Variants in EPHA1 observed in about 807,000 individuals in gnomAD.
The protein encoded by EPHA1 is EPH receptor A1.
Under a neutral mutation model 110.1 loss-of-function variants are expected in EPHA1, and 92 were observed. That is an observed-to-expected ratio of 0.84 (90% confidence interval 0.71 to 0.99). EPHA1 has a LOEUF of 0.99. EPHA1 is among the 50% of genes least tolerant of loss of function. The pLI is 0.00. For missense variants in EPHA1, 1,204 were observed against 1,285.4 expected (o/e 0.94, Z 0.97); for synonymous variants, 500 against 516.1 (o/e 0.97, Z 0.42).
Position 143,391,322 on chromosome 7 carries a change from C to T in EPHA1, c.*135G>A. The T allele has an allele frequency of 9.4e-7, 1 of 1,062,590 alleles. No homozygotes were observed. The allele number at this position is 1,062,590 out of a possible 1,614,324, so 65.8% of individuals were successfully genotyped here. On this transcript the variant is annotated 3_prime_UTR_variant, in exon 18 of 18. Transcript: ENST00000275815. The stretch of plus-strand genomic sequence containing the variant: ...TTTCTGGGGTGCAGAGCAGGGTTCT[C>T]CTGAAAGTGGGCAGAAGCAGCACCG...
In EPHA1 at chr7:143,401,491, C is replaced by T. The variant is rs144146635; in HGVS notation, c.265G>A (p.Gly89Arg). ...HWLRSNWIYR[G>R]EEASRVHVEL... Reference sequence around the variant, plus strand: ...ACGTGGACGCGGGAAGCCTCCTCCCCGCGGTAGATCCAATTGGAGCGAAGC... The same window carrying T: ...ACGTGGACGCGGGAAGCCTCCTCCCTGCGGTAGATCCAATTGGAGCGAAGC... The change falls in exon 3 of 18, where the codon GGG becomes AGG. Residue 89 changes from glycine (G) to arginine (R), a missense_variant. By Grantham distance (125) the Gly-to-Arg change is moderately radical. Coordinates refer to ENST00000275815, the MANE Select transcript of EPHA1 (RefSeq NM_005232.5). The surrounding 1 kb of genome is among the most constrained non-coding windows in gnomAD (Gnocchi z 4.1). 196 of 1,614,028 alleles carry T rather than the reference C, an allele frequency of 1.2e-4. No homozygotes were observed. Among genetic ancestry groups the T allele is most frequent in the Non-Finnish European group, 1.5e-4 (177 of 1,180,060 alleles).
chr7:143,399,825 G>A lies in EPHA1; in HGVS notation c.661C>T (p.Pro221Ser), dbSNP rs753358941. ...LAQFPDTLPG[P>S]AGLVEVAGTC... ...CCCGCCACTTCCACCAACCCAGCGGGGCCAGGCAGAGTGTCTGGGAATTGG... is the reference window on the plus strand; with the variant it reads ...CCCGCCACTTCCACCAACCCAGCGGAGCCAGGCAGAGTGTCTGGGAATTGG... Residue 221 changes from proline (P) to serine (S), a missense_variant, in exon 4 of 18, where the codon CCC becomes TCC. Physicochemically the swap from Pro to Ser is moderately conservative, Grantham distance 74 (BLOSUM62 -1). Transcript: ENST00000275815. 6.2e-7 allele frequency: 1 copy of A among 1,610,260 alleles called. No homozygotes were observed.
chr7:143,404,891 C>T (rs4726618), intron 2 of EPHA1, among the ~76,000 whole-genome samples: 54,266 of 151,688 alleles, frequency 0.36, 9,890 homozygotes, highest in East Asian at 0.48. Flanking sequence ...GCAGAATAGA[C>T]TGAGGCCCTT....
At chr7:143,396,561 A>G (rs773731540) in intron 10 of EPHA1, 51 bp from the exon 11 acceptor site, 11 of 1,598,326 alleles carry the variant, frequency 6.9e-6, no homozygotes, top group Admixed American at 1.7e-5. Context: ...GCTCAGGAGT[A>G]TGGGGGTCAG....
At chr7:143,396,356 G>T in intron 11 of EPHA1, 29 bp downstream of exon 11, 1 of 1,604,764 alleles carries the variant, frequency 6.2e-7, no homozygotes, top group Non-Finnish European at 8.5e-7. Context: ...CATGGCGGGG[G>T]GCCTGCTGCG....
Position 143,398,435 on chromosome 7 carries a change from G to T in EPHA1, c.1350C>A (p.Gly450=), listed in dbSNP as rs772008631. The T allele has an allele frequency of 8.6e-5, 139 of 1,614,044 alleles. No homozygotes were observed. Among genetic ancestry groups the T allele is most frequent in the Non-Finnish European group, 1.2e-4 (136 of 1,180,018 alleles). Residue 450 remains glycine (G), a synonymous_variant, in exon 7 of 18, where the codon GGC becomes GGA. Coordinates refer to ENST00000275815, the MANE Select transcript of EPHA1 (RefSeq NM_005232.5). ...ISMGHAESLS[G]LSLRLVKKEP... is the part of the protein sequence containing the mutation. The stretch of plus-strand genomic sequence containing the variant: ...CTTTCTTCACCAGTCTCAGAGACAG[G>T]CCTGACAGTGACTCTGGGGGTCCAG...
At chr7:143,406,062 C>T (rs3885667) in intron 2 of EPHA1, among the ~76,000 whole-genome samples, 23,961 of 152,150 alleles carry the variant, frequency 0.16, 2,223 homozygotes, top group East Asian at 0.35. Context: ...TCCACATTTC[C>T]TGGCAAACAA....
intron 2 of EPHA1, among the ~76,000 whole-genome samples, chr7:143,405,669 C>A (rs977483844): frequency 1.3e-5 from 2 of 152,166 alleles, no homozygotes; most frequent in African/African-American, 4.8e-5. Context: ...GAAGTCTGAC[C>A]TGCAGCTATC....
At position 143,393,837 on chromosome 7, in the gene EPHA1, G is replaced by A. The variant is rs753822753; in HGVS notation, c.2530C>T (p.Arg844Trp). The change falls in exon 16 of 18, where the codon CGG becomes TGG. Residue 844 changes from arginine to tryptophan, a missense_variant. Physicochemically the swap from Arg to Trp is moderately radical, Grantham distance 101 (BLOSUM62 -3). Transcript: ENST00000275815. The surrounding 1 kb of genome is among the most constrained non-coding windows in gnomAD (Gnocchi z 5.6). ...GGGCAGTCCACAGGAGGGGGCAACC[G>A]GTACCCATCCTCAATGCTCTTCATA... ...EVMKSIEDGY[R>W]LPPPVDCPAP... is the part of the protein sequence containing the mutation. 2.7e-5 allele frequency: 43 copies of A among 1,579,964 alleles called. No individual in the cohort carries two copies. Among genetic ancestry groups the A allele is most frequent in the South Asian group, 2.1e-4 (18 of 86,362 alleles).
In EPHA1 at chr7:143,398,714, C is replaced by G; in HGVS notation, c.1223G>C (p.Gly408Ala). The change falls in exon 6 of 18, where the codon GGC becomes GCC. Residue 408 changes from glycine (G) to alanine (A), a missense_variant. Transcript: ENST00000275815. ...GLTTPAVHVN[G>A]LEPYANYTFN... Reference sequence around the variant, plus strand: ...GGTGTAGTTGGCATAAGGTTCAAGGCCATTGACATGCACTGCAGGTGTGGT... The same window carrying G: ...GGTGTAGTTGGCATAAGGTTCAAGGGCATTGACATGCACTGCAGGTGTGGT... 1 of 1,614,128 alleles carries G rather than the reference C, an allele frequency of 6.2e-7. No individual in the cohort carries two copies. The highest frequency in any genetic ancestry group is 1.1e-5 in the South Asian group (1 of 91,092).
intron 10 of EPHA1, 26 bp downstream of exon 10, chr7:143,397,278 G>C: frequency 6.5e-7 from 1 of 1,544,004 alleles, no homozygotes; most frequent in Non-Finnish European, 8.7e-7. Context: ...CGCATGTGGG[G>C]ACACACGCAG....
rs1047186045 is a variant in EPHA1, at chr7:143,399,401, C to T, written c.848G>A (p.Gly283Asp). The change falls in exon 5 of 18, where the codon GGC becomes GAC. Residue 283 changes from glycine (G) to aspartate (D), a missense_variant. Coordinates refer to ENST00000275815, the MANE Select transcript of EPHA1 (RefSeq NM_005232.5). ...SGEACVACPS[G>D]SYRMDMDTPH... ...TGTGTCCATGTCCATCCGGTAGGAG[C>T]CGCTAGGGCAGGCTGGAGAGAGAAC... 3 of 1,589,212 alleles carry T rather than the reference C, an allele frequency of 1.9e-6. No homozygotes were observed. The highest frequency in any genetic ancestry group is 2.6e-6 in the Non-Finnish European group (3 of 1,167,164).
Position 143,393,663 on chromosome 7 carries a change from A to G in EPHA1, c.2696+8T>C. On this transcript the variant is annotated splice_region_variant and intron_variant, in intron 16 of 17. Transcript: ENST00000275815. The surrounding 1 kb of genome is among the most constrained non-coding windows in gnomAD (Gnocchi z 5.6). ...CTGGGTTCCCTAGTCCTTCCCCTGCATGGTTACCTGGGGTCAAAGTTGGCA... is the reference window on the plus strand; with the variant it reads ...CTGGGTTCCCTAGTCCTTCCCCTGCGTGGTTACCTGGGGTCAAAGTTGGCA... The G allele has an allele frequency of 2.5e-6, 4 of 1,612,618 alleles. No homozygotes were observed. In the East Asian group the frequency reaches 6.7e-5, roughly 27 times the overall value.
rs1463832415 is a variant in EPHA1, at chr7:143,397,313, C to T, written c.1762G>A (p.Val588Met). ...GGTGCACCCGACTCACCTCGATCCACATCGGTGGCGCGGTCACGCTGCCTC... is the reference window on the plus strand; with the variant it reads ...GGTGCACCCGACTCACCTCGATCCATATCGGTGGCGCGGTCACGCTGCCTC... ...QQRQRDRATDVDREDKLWLKP... is the reference protein window; with the variant it reads ...QQRQRDRATDMDREDKLWLKP... The change falls in exon 10 of 18, where the codon GTG (valine) becomes ATG (methionine). Residue 588 changes from valine (V) to methionine (M), a missense_variant. Coordinates refer to ENST00000275815, the MANE Select transcript of EPHA1 (RefSeq NM_005232.5). 1 of 1,549,700 alleles carries T rather than the reference C, an allele frequency of 6.5e-7. No homozygotes were observed. Among genetic ancestry groups the T allele is most frequent in the South Asian group, 1.2e-5 (1 of 84,028 alleles).
intron 2 of EPHA1, among the ~76,000 whole-genome samples, chr7:143,405,073 T>G (rs1340131071): frequency 6.6e-6 from 1 of 151,096 alleles, no homozygotes; most frequent in East Asian, 1.9e-4. Context: ...TGTTAGGGAG[T>G]TCAAAGATTG....
In EPHA1 at chr7:143,395,587, G is replaced by T; in HGVS notation, c.1898-83C>A. On this transcript the variant is annotated intron_variant, in intron 11 of 17. Coordinates refer to ENST00000275815, the MANE Select transcript of EPHA1 (RefSeq NM_005232.5). This position sits in a 1 kb window ranked among gnomAD's most constrained non-coding sequence, Gnocchi z 4.7. ...AGGCAGCAACCCCTCCAGTCCTCCGGCCCTTTTCTTTTCTGGAGAATCAGA... is the reference window on the plus strand; with the variant it reads ...AGGCAGCAACCCCTCCAGTCCTCCGTCCCTTTTCTTTTCTGGAGAATCAGA... 7.0e-7 allele frequency: 1 copy of T among 1,424,744 alleles called. No individual in the cohort carries two copies. The allele number at this position is 1,424,744 out of a possible 1,614,324, so 88.3% of individuals were successfully genotyped here.
At chr7:143,396,755 C>T (rs1433764615) in intron 10 of EPHA1, 6 of 443,270 alleles carry the variant, frequency 1.4e-5, no homozygotes, top group Non-Finnish European at 2.1e-5. Context: ...GATCCACACC[C>T]GCAGAGCATA....
chr7:143,405,254 G>C (rs1432129913), intron 2 of EPHA1, among the ~76,000 whole-genome samples: 1 of 152,182 alleles, frequency 6.6e-6, no homozygotes, highest in Non-Finnish European at 1.5e-5. Context: ...CGTGGCTGAA[G>C]CTGGAGCCAG....
Position 143,393,960 on chromosome 7 carries a change from C to T in EPHA1, c.2503-96G>A. 6 of 1,416,312 alleles carry T rather than the reference C, an allele frequency of 4.2e-6. No individual in the cohort carries two copies. Among genetic ancestry groups the T allele is most frequent in the Non-Finnish European group, 4.7e-6 (5 of 1,054,560 alleles). 87.7% of individuals were successfully genotyped at this position (1,416,312 alleles called of 1,614,324 possible). ...ACACAAGATAATTGCAGTGGAGATC[C>T]TAGGATGGGAGGAGGTGGGAGGACC... On this transcript the variant is annotated intron_variant, in intron 15 of 17. Coordinates refer to ENST00000275815, the MANE Select transcript of EPHA1 (RefSeq NM_005232.5). This position sits in a 1 kb window ranked among gnomAD's most constrained non-coding sequence, Gnocchi z 5.6.
Sources: gnomAD v4.1 joint callset for allele counts (sites outside exome capture counted in the v4.1 genomes callset) on GRCh38, gnomAD v4.1.1 for gene constraint, Gnocchi (gnomAD v3.1) non-coding constraint, MANE v1.5 for transcripts, NCBI Gene and HGNC (gene_info 2026-07-23, HGNC 2026-07-21) for gene names.